ASB3: variants seen among roughly 807,000 people sequenced by gnomAD.
The protein encoded by ASB3 is ankyrin repeat and SOCS box protein 3.
In ASB3, 41 loss-of-function variants were observed where a neutral mutation model predicts 54.5. The observed-to-expected ratio is 0.75, with a 90% confidence interval of 0.59 to 0.98. ASB3 has a LOEUF of 0.98. ASB3 is among the 50% of genes least tolerant of loss of function. The pLI is 0.00. For missense variants in ASB3, 733 were observed against 620.0 expected (o/e 1.18, Z -1.94); for synonymous variants, 266 against 221.2 (o/e 1.20, Z -1.80).
chr2:53,743,684 C>T (rs1488738716), intron 3 of ASB3, among the ~76,000 whole-genome samples: 1 of 152,148 alleles, frequency 6.6e-6, no homozygotes, highest in South Asian at 2.1e-4. Context: ...TATATAAATA[C>T]ATTTAATTAT....
chr2:53,721,708 A>C (rs973380214), intron 5 of ASB3, among the ~76,000 whole-genome samples: 1 of 152,230 alleles, frequency 6.6e-6, no homozygotes, highest in Non-Finnish European at 1.5e-5. Flanking sequence ...AAAAGTGTTA[A>C]GAAGTTTATA....
chr2:53,750,755 G>C lies in ASB3; in HGVS notation c.355+28C>G, dbSNP rs200223999. 5.2e-5 allele frequency: 76 copies of C among 1,451,302 alleles called. 1 individual carries two copies. In the East Asian group the frequency reaches 1.7e-3, roughly 33 times the overall value. The allele number at this position is 1,451,302 out of a possible 1,614,324, so 89.9% of individuals were successfully genotyped here. A position where few individuals can be genotyped will look rare whatever the true frequency, so the allele number is the denominator to read the frequency against. ...AAAAAAATAATAATGATGAAAAATT[G>C]CATCTGCACCACAAATAGCATACTT... On this transcript the variant is annotated intron_variant, in intron 3 of 9. Transcript: ENST00000263634.
chr2:53,690,297 C>T (rs967074832), intron 9 of ASB3, among the ~76,000 whole-genome samples: 1 of 151,970 alleles, frequency 6.6e-6, no homozygotes, highest in African/African-American at 2.4e-5. Flanking sequence ...TTGAGACATA[C>T]AATATTTAGA....
intron 2 of ASB3, among the ~76,000 whole-genome samples, chr2:53,759,380 T>C (rs1260308568): frequency 6.6e-6 from 1 of 152,214 alleles, no homozygotes; most frequent in African/African-American, 2.4e-5. Context: ...TGAGAAAGCA[T>C]ACCTCTCTGT....
At chr2:53,784,375 T>G (rs1674818156) in intron 1 of ASB3, among the ~76,000 whole-genome samples, 1 of 152,202 alleles carries the variant, frequency 6.6e-6, no homozygotes, top group Non-Finnish European at 1.5e-5. Context: ...ACTTCTAAAC[T>G]GGTTGAGACT....
At chr2:53,673,058 C>T (rs1667901413) in intron 9 of ASB3, among the ~76,000 whole-genome samples, 1 of 152,158 alleles carries the variant, frequency 6.6e-6, no homozygotes, top group African/African-American at 2.4e-5. Context: ...CTGGTAGGAA[C>T]ACTGGCATTC....
chr2:53,691,886 G>C (rs780442553), intron 9 of ASB3, among the ~76,000 whole-genome samples: 1 of 152,310 alleles, frequency 6.6e-6, no homozygotes, highest in Admixed American at 6.5e-5. Context: ...GCAGGAGGAA[G>C]AATACAAGCT....
At chr2:53,751,061 A>G in intron 2 of ASB3, 120 bp from the exon 3 acceptor site, 1 of 1,186,146 alleles carries the variant, frequency 8.4e-7, no homozygotes, top group Non-Finnish European at 1.1e-6. Context: ...TATAAATGAC[A>G]GGTTTCACCA....
intron 7 of ASB3, among the ~76,000 whole-genome samples, chr2:53,713,970 T>C (rs1421403222): frequency 6.6e-6 from 1 of 152,080 alleles, no homozygotes; most frequent in African/African-American, 2.4e-5. Context: ...CACAATAATA[T>C]CTATAAAACT....
chr2:53,735,998 T>TAAAAA (rs201138986), intron 3 of ASB3, among the ~76,000 whole-genome samples: 1 of 96,226 alleles, frequency 1.0e-5, no homozygotes, highest in Non-Finnish European at 2.3e-5. Flanking sequence ...ACAAACCTTC[T>TAAAAA]AAAAAAAAAA....
chr2:53,779,838 T>A (rs905461778), intron 1 of ASB3, among the ~76,000 whole-genome samples: 1 of 152,244 alleles, frequency 6.6e-6, no homozygotes, highest in Non-Finnish European at 1.5e-5. Flanking sequence ...TAATTTTGGG[T>A]GCTGCCAAAT....
chr2:53,723,177 G>GA (rs1401992540), intron 5 of ASB3, among the ~76,000 whole-genome samples: 2 of 151,836 alleles, frequency 1.3e-5, no homozygotes, highest in South Asian at 2.1e-4. Flanking sequence ...AAATACTACT[G>GA]AAAAAAAATC....
intron 3 of ASB3, among the ~76,000 whole-genome samples, chr2:53,734,803 A>G (rs1405979144): frequency 2.0e-5 from 3 of 152,080 alleles, no homozygotes; most frequent in Non-Finnish European, 4.4e-5. Context: ...AACTTTCTCT[A>G]ACAACTCATT....
chr2:53,743,485 G>A (rs956141348), intron 3 of ASB3, among the ~76,000 whole-genome samples: 2 of 152,122 alleles, frequency 1.3e-5, no homozygotes, highest in Non-Finnish European at 2.9e-5. Flanking sequence ...GTTAAATGAT[G>A]CATTTAAGAT....
At chr2:53,707,747 A>T (rs1669865064) in intron 7 of ASB3, among the ~76,000 whole-genome samples, 1 of 151,938 alleles carries the variant, frequency 6.6e-6, no homozygotes, top group South Asian at 2.1e-4. Flanking sequence ...AGATCACTTG[A>T]GCTTACGAGT....
At chr2:53,732,157 C>T (rs762610742) in intron 3 of ASB3, among the ~76,000 whole-genome samples, 21 of 151,940 alleles carry the variant, frequency 1.4e-4, no homozygotes, top group Non-Finnish European at 2.8e-4. Flanking sequence ...CAAGGTTTCA[C>T]CATGTTGGCC....
intron 2 of ASB3, among the ~76,000 whole-genome samples, chr2:53,755,005 G>A (rs1434384400): frequency 6.6e-6 from 1 of 152,156 alleles, no homozygotes; most frequent in African/African-American, 2.4e-5. Flanking sequence ...GGTGCTTCTT[G>A]AAAAAGAAAT....
chr2:53,680,403 C>T (rs1353242991), intron 9 of ASB3, among the ~76,000 whole-genome samples: 1 of 152,172 alleles, frequency 6.6e-6, no homozygotes, highest in East Asian at 1.9e-4. Context: ...TCGCCAGCAT[C>T]TATTATTTTC....
chr2:53,703,337 C>T (rs1266657156), intron 7 of ASB3, among the ~76,000 whole-genome samples: 2 of 152,208 alleles, frequency 1.3e-5, no homozygotes, highest in East Asian at 3.8e-4. Context: ...GGAGGAGACA[C>T]CTTTCCATCA....
Sources: allele counts gnomAD v4.1 joint callset (sites outside exome capture counted in the v4.1 genomes callset), GRCh38; gene constraint gnomAD v4.1.1; transcripts MANE v1.5; gene names NCBI Gene and HGNC (gene_info 2026-07-23, HGNC 2026-07-21).